The following PCGF3 variants were observed in gnomAD, a reference collection of about 807,000 sequenced individuals.
The protein encoded by PCGF3 is polycomb group ring finger 3.
PCGF3 carries 7 observed loss-of-function variants against 33.1 expected under a neutral mutation model. The ratio of observed to expected loss-of-function variants is 0.21; its 90% confidence interval spans 0.12 to 0.40. The LOEUF (loss-of-function observed/expected upper bound fraction) is 0.40. PCGF3 is among the 10% of genes least tolerant of loss of function. The probability of loss-of-function intolerance (pLI) is 1.00; values close to 1 mark genes in which losing one functional copy is unlikely to be tolerated. For missense variants in PCGF3, 211 were observed against 313.3 expected (o/e 0.67, Z 2.46); for synonymous variants, 153 against 121.3 (o/e 1.26, Z -1.72).
chr4:708,757 G>A (rs1426580349), intron 1 of PCGF3, among the ~76,000 whole-genome samples: 1 of 152,096 alleles, frequency 6.6e-6, no homozygotes, highest in Non-Finnish European at 1.5e-5. Context: ...GTGTAGAGGC[G>A]TTTCCAGTGT....
chr4:763,896 C>T (rs1337858328), intron 9 of PCGF3, among the ~76,000 whole-genome samples: 1 of 152,200 alleles, frequency 6.6e-6, no homozygotes, highest in Non-Finnish European at 1.5e-5. Flanking sequence ...GCAGTCGGGC[C>T]AAGAGCAGGC....
intron 8 of PCGF3, among the ~76,000 whole-genome samples, chr4:758,720 G>A: frequency 2.4e-5 from 1 of 41,724 alleles, no homozygotes; most frequent in African/African-American, 7.3e-5. Flanking sequence ...CCGGACTCCG[G>A]GTCTTTCTCC....
chr4:712,414 A>G (rs1451728510), intron 1 of PCGF3, among the ~76,000 whole-genome samples: 2 of 152,132 alleles, frequency 1.3e-5, no homozygotes, highest in African/African-American at 4.8e-5. Context: ...GATAAACTCT[A>G]ATATTCGTGT....
At chr4:734,595 A>G in intron 4 of PCGF3, 1 of 1,171,176 alleles carries the variant, frequency 8.5e-7, no homozygotes, top group Non-Finnish European at 1.1e-6. Flanking sequence ...TTTTAGGACA[A>G]AGTATTGTAA....
rs1432716925 is a variant in PCGF3, at chr4:707,700, C to T, written c.-190+1730C>T. The stretch of plus-strand genomic sequence containing the variant: ...GGACAGCTCTGTTTTCCCCTGGGGG[C>T]CGGGACCCTGAGACAGCTCTGTTTT... On this transcript the variant is annotated intron_variant, in intron 1 of 10. Transcript: ENST00000362003. Among the ~76,000 whole-genome samples the T allele has an allele frequency of 3.3e-4, 36 of 108,174 alleles. 3 individuals carry two copies. The highest frequency in any genetic ancestry group is 1.0e-3 in the African/African-American group (31 of 30,240). 71.0% of individuals were successfully genotyped at this position (108,174 alleles called of 152,430 possible). A position where few individuals can be genotyped will look rare whatever the true frequency, so the allele number is the denominator to read the frequency against.
At chr4:738,693 CA>C (rs33913968) in intron 6 of PCGF3, among the ~76,000 whole-genome samples, 139,148 of 140,680 alleles carry the variant, frequency 0.99, 68,815 homozygotes, top group African/African-American at 0.99. Context: ...ACCAAAAATA[CA>C]AAAAAAAAAA....
At chr4:765,011 C>T (rs1463498164) in exon 10 of PCGF3, 1 of 1,613,960 alleles carries the variant, frequency 6.2e-7, no homozygotes, top group South Asian at 1.1e-5. Context: ...CGAGGAGATC[C>T]TGGGCAAGGA....
chr4:737,870 G>A (rs756804863), intron 6 of PCGF3, among the ~76,000 whole-genome samples: 5 of 152,142 alleles, frequency 3.3e-5, no homozygotes, highest in African/African-American at 4.8e-5. Context: ...ATCCCACAGC[G>A]CCAGCTTCCC....
exon 7 of PCGF3, chr4:743,546 C>A: frequency 6.2e-7 from 1 of 1,612,678 alleles, no homozygotes; most frequent in Non-Finnish European, 8.5e-7. Flanking sequence ...AAGGGGGAGA[C>A]CTGCTCTGCA....
chr4:749,476 CTTTTTTTTTTTTTTT>C lies in PCGF3; in HGVS notation c.462+4798_462+4812del, dbSNP rs71640348. Among the ~76,000 whole-genome samples the C allele has an allele frequency of 4.4e-4, 33 of 75,482 alleles. 1 individual carries two copies. In the South Asian group the frequency reaches 0.017, roughly 39 times the overall value. 49.5% of individuals were successfully genotyped at this position (75,482 alleles called of 152,430 possible). A position where few individuals can be genotyped will look rare whatever the true frequency, so the allele number is the denominator to read the frequency against. ...ACCATGCCCTGCTGAATTTTCTTTC[CTTTTTTTTTTTTTTT>C]TTTTTTTTTGAGACAGTCTCACTTT... On this transcript the variant is annotated intron_variant, in intron 8 of 10. Transcript: ENST00000362003.
chr4:735,296 C>T (rs2109619081), intron 5 of PCGF3, among the ~76,000 whole-genome samples: 1 of 152,322 alleles, frequency 6.6e-6, no homozygotes, highest in African/African-American at 2.4e-5. Flanking sequence ...CCTATAATCC[C>T]AGCACTTTGG....
At chr4:755,645 T>C (rs1744735967) in intron 8 of PCGF3, among the ~76,000 whole-genome samples, 1 of 152,208 alleles carries the variant, frequency 6.6e-6, no homozygotes, top group African/African-American at 2.4e-5. Context: ...TAAAATATTT[T>C]AAAGGTTTGC....
Position 765,937 on chromosome 4 carries a change from A to G in PCGF3, c.682-95A>G, listed in dbSNP as rs1009932736. 23 of 1,098,018 alleles carry G rather than the reference A, an allele frequency of 2.1e-5. No individual in the cohort carries two copies. The African/African-American group carries it at 3.5e-4, about 17-fold the overall frequency. 68.0% of individuals were successfully genotyped at this position (1,098,018 alleles called of 1,614,324 possible). A position where few individuals can be genotyped will look rare whatever the true frequency, so the allele number is the denominator to read the frequency against. ...CAGCCCTGCATGTGGACTGTGCCTC[A>G]CGGGACGTGATTCCTCAGCACCCTT... On this transcript the variant is annotated intron_variant, in intron 10 of 10. Coordinates refer to ENST00000362003, the Ensembl canonical transcript of PCGF3.
chr4:740,611 C>T lies in PCGF3; in HGVS notation c.263-2863C>T, dbSNP rs148255141. 5.1e-3 allele frequency among the ~76,000 whole-genome samples: 773 copies of T among 152,072 alleles called. 10 individuals carry two copies. The highest frequency in any genetic ancestry group is 0.017 in the African/African-American group (696 of 41,478). On this transcript the variant is annotated intron_variant, in intron 6 of 10. Coordinates refer to ENST00000362003, the Ensembl canonical transcript of PCGF3. ...CCTCTTGCTTTAGAAACGTGGGGGC[C>T]GGACACAGTGTCTCATGCCTGTAAC... is the stretch of plus-strand genomic sequence containing the variant.
At chr4:722,708 G>A (rs11732211) in intron 1 of PCGF3, among the ~76,000 whole-genome samples, 12,357 of 41,824 alleles carry the variant, frequency 0.3, 3,181 homozygotes, top group African/African-American at 0.5. Context: ...TGTCTGCGCT[G>A]GGTCCACACT....
At chr4:738,264 G>A (rs967302840) in intron 6 of PCGF3, among the ~76,000 whole-genome samples, 5 of 152,254 alleles carry the variant, frequency 3.3e-5, no homozygotes, top group South Asian at 2.1e-4. Context: ...CGTAGAAACC[G>A]TATCTCGCCT....
chr4:759,867 G>C (rs35954052), intron 8 of PCGF3, among the ~76,000 whole-genome samples: 9,511 of 29,598 alleles, frequency 0.32, 278 homozygotes, highest in Middle Eastern at 0.46. Flanking sequence ...CTCCCGAGTT[G>C]TTCTCCTTCC....
At chr4:765,209 G>A (rs552935684) in intron 10 of PCGF3, 145 bp downstream of exon 10, 52 of 590,768 alleles carry the variant, frequency 8.8e-5, no homozygotes, top group African/African-American at 1.7e-4. Context: ...CGAGGCGGGC[G>A]GATCACGAGG....
chr4:734,579 G>A (rs1465161120), intron 4 of PCGF3: 3 of 1,162,226 alleles, frequency 2.6e-6, no homozygotes, highest in Non-Finnish European at 3.2e-6. Flanking sequence ...AGAAGATACT[G>A]TCATCTTTTA....
Sources: allele counts gnomAD v4.1 joint callset (sites outside exome capture counted in the v4.1 genomes callset), GRCh38; gene constraint gnomAD v4.1.1; transcripts MANE v1.5; gene names NCBI Gene and HGNC (gene_info 2026-07-23, HGNC 2026-07-21).